CCDC30: variants seen among roughly 807,000 people sequenced by gnomAD.
The protein encoded by CCDC30 is coiled-coil domain containing 30.
A neutral mutation model predicts 100.2 loss-of-function variants in CCDC30; 70 were observed. The observed-to-expected ratio is 0.70, with a 90% confidence interval of 0.58 to 0.85. CCDC30 has a LOEUF of 0.85. Ranked by LOEUF, CCDC30 falls within the 40% of genes least tolerant of loss-of-function variation. The pLI is 0.00. For missense variants in CCDC30, 652 were observed against 771.2 expected, an observed-to-expected ratio of 0.85 and a Z score of 1.83; for synonymous variants, 233 against 269.5, an observed-to-expected ratio of 0.86 and a Z score of 1.33.
chr1:42,562,327 A>C (rs1344220862), intron 6 of CCDC30, among the ~76,000 whole-genome samples: 1 of 152,190 alleles, frequency 6.6e-6, no homozygotes, highest in African/African-American at 2.4e-5. Flanking sequence ...CTTATCTTCG[A>C]CAAACCTGAC....
intron 6 of CCDC30, among the ~76,000 whole-genome samples, chr1:42,554,974 T>C (rs1645338636): frequency 6.6e-6 from 1 of 152,156 alleles, no homozygotes; most frequent in African/African-American, 2.4e-5. Flanking sequence ...CATTCCCACA[T>C]GTTGGTCTAC....
At chr1:42,456,958 T>G in the CCDC30 span, 1 of 1,604,790 alleles carries the variant, frequency 6.2e-7, no homozygotes, top group Non-Finnish European at 8.5e-7. Flanking sequence ...TTGCTGAGGC[T>G]CTGAGGAGCT....
chr1:42,480,596 T>C, intron 2 of CCDC30, 30 bp downstream of exon 2: 1 of 985,064 alleles, frequency 1.0e-6, no homozygotes, highest in Non-Finnish European at 1.2e-6. Flanking sequence ...CAAAATGACA[T>C]TTTTGTTCAT....
chr1:42,528,558 A>G (rs1051502177), intron 6 of CCDC30, among the ~76,000 whole-genome samples: 2 of 152,218 alleles, frequency 1.3e-5, no homozygotes, highest in Non-Finnish European at 2.9e-5. Context: ...TTGGGTAGGA[A>G]GAGCCTCAAA....
chr1:42,544,321 C>G (rs1240652011), intron 6 of CCDC30, among the ~76,000 whole-genome samples: 1 of 152,032 alleles, frequency 6.6e-6, no homozygotes, highest in Non-Finnish European at 1.5e-5. Flanking sequence ...TTTGTCAAAA[C>G]AAAACAAAAA....
chr1:42,565,980 A>T (rs1016003078), intron 6 of CCDC30, among the ~76,000 whole-genome samples: 1 of 152,042 alleles, frequency 6.6e-6, no homozygotes, highest in African/African-American at 2.4e-5. Flanking sequence ...TGAACTTCCC[A>T]TTTTAAATGT....
intron 2 of CCDC30, among the ~76,000 whole-genome samples, chr1:42,481,207 C>T (rs1009615790): frequency 2.0e-5 from 3 of 151,914 alleles, no homozygotes; most frequent in African/African-American, 7.3e-5. Flanking sequence ...AAAAATCACT[C>T]ATTTGACATG....
intron 6 of CCDC30, among the ~76,000 whole-genome samples, chr1:42,502,528 G>T (rs1644332782): frequency 1.3e-5 from 2 of 152,192 alleles, no homozygotes; most frequent in South Asian, 4.1e-4. Context: ...AGTTGGAAAT[G>T]CAGAAATCAC....
At chr1:42,526,885 G>A (rs1023707131) in intron 6 of CCDC30, among the ~76,000 whole-genome samples, 4 of 152,108 alleles carry the variant, frequency 2.6e-5, no homozygotes, top group African/African-American at 9.7e-5. Flanking sequence ...ATTTGTCTCT[G>A]AATATCTGAA....
intron 3 of CCDC30, among the ~76,000 whole-genome samples, chr1:42,487,488 C>T (rs964828752): frequency 6.6e-5 from 10 of 152,208 alleles, no homozygotes; most frequent in Middle Eastern, 3.4e-3. Context: ...AGCGTAGTTA[C>T]GGTCCCAAAC....
intron 7 of CCDC30, among the ~76,000 whole-genome samples, chr1:42,574,806 G>A (rs1645800025): frequency 6.6e-6 from 1 of 152,144 alleles, no homozygotes; most frequent in African/African-American, 2.4e-5. Flanking sequence ...CCTAACAAAT[G>A]TAAAGTAGTA....
At chr1:42,493,111 GA>G (rs1644172425) in intron 4 of CCDC30, among the ~76,000 whole-genome samples, 1 of 151,972 alleles carries the variant, frequency 6.6e-6, no homozygotes, top group South Asian at 2.1e-4. Flanking sequence ...GTTTATACTA[GA>G]AATCAAGAAA....
At chr1:42,655,867 C>CTTTTTTTTTTTTTTTT (rs766715541), downstream of CCDC30, among the ~76,000 whole-genome samples, 1 of 87,314 alleles carries the variant, frequency 1.1e-5, no homozygotes, top group Non-Finnish European at 2.2e-5. Context: ...GCTGTTTTTA[C>CTTTTTTTTTTTTTTTT]TTTTTTTTTT....
chr1:42,641,984 G>T (rs985274725), intron 12 of CCDC30, among the ~76,000 whole-genome samples: 1 of 152,182 alleles, frequency 6.6e-6, no homozygotes, highest in Non-Finnish European at 1.5e-5. Flanking sequence ...CCAGCAATTT[G>T]GGAGGCCAAG....
intron 6 of CCDC30, among the ~76,000 whole-genome samples, chr1:42,524,946 A>G (rs769266280): frequency 3.9e-5 from 6 of 152,242 alleles, no homozygotes; most frequent in Non-Finnish European, 8.8e-5. Context: ...CACTGGATAT[A>G]GAATTTTAAG....
At chr1:42,460,007 T>C (rs945409791), upstream of CCDC30, 1 of 1,484,442 alleles carries the variant, frequency 6.7e-7, no homozygotes, top group Non-Finnish European at 8.9e-7. Flanking sequence ...ATGGCTTTCA[T>C]ATGGACAGAT....
At chr1:42,600,081 C>T (rs1646372317) in intron 10 of CCDC30, among the ~76,000 whole-genome samples, 1 of 152,108 alleles carries the variant, frequency 6.6e-6, no homozygotes, top group African/African-American at 2.4e-5. Context: ...TAGAAACCAC[C>T]CCCATGATCC....
the CCDC30 span, among the ~76,000 whole-genome samples, chr1:42,457,972 A>C: frequency 6.8e-6 from 1 of 148,020 alleles, no homozygotes; most frequent in African/African-American, 2.5e-5. Flanking sequence ...AAAAAAAAAC[A>C]CCAAAAATCA....
At chr1:42,531,694 G>A (rs1406163337) in intron 6 of CCDC30, among the ~76,000 whole-genome samples, 1 of 152,018 alleles carries the variant, frequency 6.6e-6, no homozygotes, top group African/African-American at 2.4e-5. Flanking sequence ...CCGAGAGACA[G>A]AGGTTGCAGT....
Sources: allele counts gnomAD v4.1 joint callset (sites outside exome capture counted in the v4.1 genomes callset), GRCh38; gene constraint gnomAD v4.1.1; transcripts MANE v1.5; gene names NCBI Gene and HGNC (gene_info 2026-07-23, HGNC 2026-07-21).